The following RAD51B variants were observed in gnomAD, a reference collection of about 807,000 sequenced individuals.
RAD51B encodes the protein DNA repair protein RAD51 homolog 2.
RAD51B carries 38 observed loss-of-function variants against 42.2 expected under a neutral mutation model. The ratio of observed to expected loss-of-function variants is 0.90; its 90% confidence interval spans 0.70 to 1.18. The LOEUF (loss-of-function observed/expected upper bound fraction) is 1.18. Ranked by LOEUF, RAD51B falls within the 50% of genes most tolerant of loss-of-function variation. The pLI, the probability that RAD51B is intolerant of heterozygous loss-of-function variation, is 0.00. For synonymous variants in RAD51B, 154 were observed against 145.2 expected (o/e 1.06, Z -0.43); for missense variants, 373 against 400.7 (o/e 0.93, Z 0.59).
chr14:68,416,712 G>A (rs1040400091), intron 9 of RAD51B, among the ~76,000 whole-genome samples: 4 of 152,190 alleles, frequency 2.6e-5, no homozygotes, highest in Non-Finnish European at 4.4e-5. Flanking sequence ...ACTGAAGATA[G>A]GAATACTTTT....
At chr14:68,101,937 A>T (rs1370100358) in intron 7 of RAD51B, among the ~76,000 whole-genome samples, 1 of 152,204 alleles carries the variant, frequency 6.6e-6, no homozygotes, top group African/African-American at 2.4e-5. Flanking sequence ...GTTTCCATAC[A>T]TCCTCTGAAA....
At chr14:68,144,606 A>T (rs1413360940) in intron 7 of RAD51B, among the ~76,000 whole-genome samples, 3 of 152,132 alleles carry the variant, frequency 2.0e-5, no homozygotes, top group African/African-American at 7.2e-5. Flanking sequence ...CTCTTTCTGG[A>T]AACTTCGTTA....
chr14:68,364,632 G>C (rs548094571), intron 8 of RAD51B, among the ~76,000 whole-genome samples: 1 of 152,296 alleles, frequency 6.6e-6, no homozygotes, highest in South Asian at 2.1e-4. Flanking sequence ...GTGGCAACAA[G>C]GGGGACAATG....
At chr14:68,222,777 C>T (rs1004315526) in intron 7 of RAD51B, among the ~76,000 whole-genome samples, 7 of 152,156 alleles carry the variant, frequency 4.6e-5, no homozygotes, top group Admixed American at 4.6e-4. Context: ...TTTTCTATGC[C>T]TGGAAATACC....
At chr14:68,522,465 T>C (rs1886648231) in intron 10 of RAD51B, among the ~76,000 whole-genome samples, 1 of 152,168 alleles carries the variant, frequency 6.6e-6, no homozygotes, top group Non-Finnish European at 1.5e-5. Flanking sequence ...TTCTGGGATG[T>C]CTGAATTCCT....
chr14:68,478,224 A>G (rs767314518), downstream of RAD51B: 4 of 973,542 alleles, frequency 4.1e-6, no homozygotes, highest in African/African-American at 3.5e-5. Context: ...AGGGAGGTCG[A>G]TGGGCTCAGA....
chr14:68,645,634 T>C (rs1892549538), intron 10 of RAD51B, among the ~76,000 whole-genome samples: 1 of 152,216 alleles, frequency 6.6e-6, no homozygotes, highest in Non-Finnish European at 1.5e-5. Context: ...TACAACAGTT[T>C]CAATGTCTCT....
intron 7 of RAD51B, among the ~76,000 whole-genome samples, chr14:68,005,905 G>T (rs761253662): frequency 1.3e-5 from 2 of 152,180 alleles, no homozygotes; most frequent in Non-Finnish European, 2.9e-5. Flanking sequence ...GGGGAAGCAG[G>T]TGCATCTTAC....
intron 5 of RAD51B, among the ~76,000 whole-genome samples, chr14:67,878,994 G>T (rs754710607): frequency 6.6e-6 from 1 of 152,212 alleles, no homozygotes; most frequent in Non-Finnish European, 1.5e-5. Flanking sequence ...GATTACAGGC[G>T]TGAGCCACTG....
chr14:68,519,714 G>T (rs886803648), intron 10 of RAD51B, among the ~76,000 whole-genome samples: 3 of 152,222 alleles, frequency 2.0e-5, no homozygotes, highest in Non-Finnish European at 4.4e-5. Context: ...TGCACCATTG[G>T]TGGGACCAGT....
chr14:68,674,667 T>C (rs1055840), intron 11 of RAD51B, among the ~76,000 whole-genome samples: 50,139 of 151,994 alleles, frequency 0.33, 8,454 homozygotes, highest in African/African-American at 0.38. Flanking sequence ...CTTTCATTTG[T>C]TGTATGCCCC....
chr14:68,585,801 C>T (rs1294328842), intron 10 of RAD51B, among the ~76,000 whole-genome samples: 2 of 152,282 alleles, frequency 1.3e-5, no homozygotes, highest in East Asian at 3.9e-4. Context: ...GGGCGGCTGA[C>T]TTTCTCTGTT....
intron 7 of RAD51B, among the ~76,000 whole-genome samples, chr14:68,058,537 C>T (rs1181943666): frequency 6.6e-6 from 1 of 152,160 alleles, no homozygotes; most frequent in East Asian, 1.9e-4. Context: ...TTCTTGTACA[C>T]AGTTAGTTGC....
At chr14:68,540,599 A>C (rs1038012550) in intron 10 of RAD51B, 1 of 985,306 alleles carries the variant, frequency 1.0e-6, no homozygotes, top group Non-Finnish European at 1.2e-6. Flanking sequence ...CTGTGCAAGT[A>C]TATAATGACA....
chr14:68,327,383 T>C (rs199706270), intron 8 of RAD51B, among the ~76,000 whole-genome samples: 1 of 22,672 alleles, frequency 4.4e-5, no homozygotes, highest in Non-Finnish European at 2.0e-4. Flanking sequence ...TTTTTTGTTG[T>C]TTTTTTTTTT....
chr14:68,163,024 G>A (rs907125689), intron 7 of RAD51B, among the ~76,000 whole-genome samples: 2 of 152,152 alleles, frequency 1.3e-5, no homozygotes, highest in Non-Finnish European at 2.9e-5. Flanking sequence ...CATGAAAATA[G>A]TTTATACTGT....
chr14:67,962,174 G>A (rs10144128), intron 7 of RAD51B, among the ~76,000 whole-genome samples: 10,451 of 152,176 alleles, frequency 0.069, 878 homozygotes, highest in African/African-American at 0.2. Context: ...GGTAAACACA[G>A]GAGTAAGACA....
At chr14:68,272,635 T>TTATATATATATATTTATATATATA (rs1195340238) in intron 7 of RAD51B, among the ~76,000 whole-genome samples, 1 of 19,850 alleles carries the variant, frequency 5.0e-5, no homozygotes, top group African/African-American at 2.1e-4. Context: ...TATAAACACT[T>TTATATATATATATTTATATATATA]TATATATATA....
intron 11 of RAD51B, among the ~76,000 whole-genome samples, chr14:68,662,205 G>A (rs994792783): frequency 3.9e-5 from 6 of 152,202 alleles, no homozygotes; most frequent in Admixed American, 6.5e-5. Flanking sequence ...CTTGGTAACT[G>A]TTCAGGTTGA....
Sources: allele counts gnomAD v4.1 joint callset (sites outside exome capture counted in the v4.1 genomes callset), GRCh38; gene constraint gnomAD v4.1.1; transcripts MANE v1.5; gene names NCBI Gene and HGNC (gene_info 2026-07-23, HGNC 2026-07-21).